The following PLXDC2 variants were observed in gnomAD, a reference collection of about 807,000 sequenced individuals.
PLXDC2 encodes the protein plexin domain-containing protein 2.
Under a neutral mutation model 68.9 loss-of-function variants are expected in PLXDC2, and 40 were observed. The ratio of observed to expected loss-of-function variants is 0.58; its 90% CI spans 0.45 to 0.76. PLXDC2 has a LOEUF of 0.76. PLXDC2 is among the 30% of genes least tolerant of loss of function. The probability of loss-of-function intolerance (pLI) is 0.00; values close to 1 mark genes in which losing one functional copy is unlikely to be tolerated. For missense variants in PLXDC2, 644 were observed against 661.9 expected (o/e 0.97, Z 0.30); for synonymous variants, 243 against 234.2 (o/e 1.04, Z -0.34).
At chr10:20,051,219 G>A (rs895410117) in intron 3 of PLXDC2, among the ~76,000 whole-genome samples, 67 of 151,380 alleles carry the variant, frequency 4.4e-4, no homozygotes, top group African/African-American at 1.2e-3. Context: ...AAAAACAGAC[G>A]CCGGAGTCTA....
rs575776334 is a variant in PLXDC2 at position 19,975,801 on chromosome 10, T to C, written c.113-25974T>C. The stretch of plus-strand genomic sequence containing the variant: ...GGTGGATTACTTGAGGTCAGGAGTT[T>C]GAGACCAGCCTGGCCAACATGGTAA... On this transcript the variant is annotated intron_variant, in intron 1 of 13. Transcript: ENST00000377252. Among the ~76,000 whole-genome samples, 5 of 152,080 alleles carry C rather than the reference T, an allele frequency of 3.3e-5. No individual in the cohort carries two copies. The East Asian group carries it at 9.7e-4, about 30-fold the overall frequency.
chr10:19,979,976 CTTAG>C (rs991270415), intron 1 of PLXDC2, among the ~76,000 whole-genome samples: 41 of 152,268 alleles, frequency 2.7e-4, no homozygotes, highest in African/African-American at 8.2e-4. Flanking sequence ...ATTTCCTTTT[CTTAG>C]TTAGTGTCGT....
intron 1 of PLXDC2, among the ~76,000 whole-genome samples, chr10:19,954,357 C>T (rs1035984932): frequency 5.3e-5 from 8 of 152,148 alleles, no homozygotes; most frequent in Non-Finnish European, 7.4e-5. Context: ...TGGCAGCTAA[C>T]GTAATTGGTA....
chr10:20,009,149 A>G (rs1315253749), intron 2 of PLXDC2, among the ~76,000 whole-genome samples: 1 of 152,178 alleles, frequency 6.6e-6, no homozygotes, highest in African/African-American at 2.4e-5. Context: ...AAGGAGTAGT[A>G]AGACATCATC....
chr10:20,260,773 C>T (rs745733541), intron 13 of PLXDC2, among the ~76,000 whole-genome samples: 6 of 152,224 alleles, frequency 3.9e-5, no homozygotes, highest in Admixed American at 1.3e-4. Flanking sequence ...AAACTTCATA[C>T]GTTTTCCATA....
chr10:19,929,903 A>T (rs1833597507), intron 1 of PLXDC2, among the ~76,000 whole-genome samples: 1 of 152,188 alleles, frequency 6.6e-6, no homozygotes, highest in African/African-American at 2.4e-5. Flanking sequence ...AGTGCCTGTT[A>T]TTCTGAAAGC....
chr10:20,217,547 C>T lies in PLXDC2; in HGVS notation c.1244C>T (p.Ser415Phe). ...VLTTTRRAVT[S>F]QFPTSLPTED... ...ACTACCACCAGAAGAGCAGTGACTT[C>T]TCAGTTTCCCACCAGCCTCCCTACA... The change falls in exon 11 of 14, where the codon TCT becomes TTT. Residue 415 changes from serine (S) to phenylalanine (F), a missense_variant. Ser to Phe is a radical substitution (Grantham distance 155). Coordinates refer to ENST00000377252, the MANE Select transcript of PLXDC2 (RefSeq NM_032812.9). The T allele has an allele frequency of 6.3e-7, 1 of 1,590,098 alleles. No homozygotes were observed. The highest frequency in any genetic ancestry group is 8.6e-7 in the Non-Finnish European group (1 of 1,166,978).
chr10:20,129,572 CAT>C (rs1204670758), intron 4 of PLXDC2, among the ~76,000 whole-genome samples: 1 of 151,350 alleles, frequency 6.6e-6, no homozygotes, highest in Non-Finnish European at 1.5e-5. Flanking sequence ...TATATATACA[CAT>C]ATATATGTAG....
chr10:20,132,770 T>TA lies in PLXDC2; in HGVS notation c.542-10513dup, dbSNP rs61655560. ...TGTAAAGAACATATAGTTTGATCTT[T>TA]AAAAAAAAAAAATCCATTCAACCAC... is the stretch of plus-strand genomic sequence containing the variant. On this transcript the variant is annotated intron_variant, in intron 4 of 13. Coordinates refer to ENST00000377252, the MANE Select transcript of PLXDC2 (RefSeq NM_032812.9). Among the ~76,000 whole-genome samples, 9 of 150,462 alleles carry TA rather than the reference T, an allele frequency of 6.0e-5. No homozygotes were observed. The South Asian group carries it at 6.3e-4, about 11-fold the overall frequency.
intron 1 of PLXDC2, among the ~76,000 whole-genome samples, chr10:19,832,101 C>T (rs1836704806): frequency 6.6e-6 from 1 of 152,146 alleles, no homozygotes. Flanking sequence ...TTCATAAGTG[C>T]TCCATAGCCA....
intron 1 of PLXDC2, among the ~76,000 whole-genome samples, chr10:19,914,590 T>TA (rs1166316945): frequency 2.6e-5 from 4 of 152,210 alleles, no homozygotes; most frequent in African/African-American, 9.6e-5. Flanking sequence ...ATTTATAGCA[T>TA]AGTAAAGAGA....
chr10:20,267,820 C>G (rs2119375687), intron 13 of PLXDC2, among the ~76,000 whole-genome samples: 1 of 151,476 alleles, frequency 6.6e-6, no homozygotes, highest in South Asian at 2.1e-4. Context: ...TGTTATATCT[C>G]AGTCATCTTG....
intron 4 of PLXDC2, among the ~76,000 whole-genome samples, chr10:20,088,252 A>G (rs1408574399): frequency 6.6e-6 from 1 of 152,212 alleles, no homozygotes. Context: ...CTTATTTTAC[A>G]TAGCTACAAT....
intron 4 of PLXDC2, among the ~76,000 whole-genome samples, chr10:20,104,855 A>G (rs1223812292): frequency 6.6e-6 from 1 of 152,038 alleles, no homozygotes; most frequent in East Asian, 1.9e-4. Flanking sequence ...GATCGAGACC[A>G]TCCTGGCCAA....
At chr10:20,167,242 C>T (rs999550443) in intron 7 of PLXDC2, among the ~76,000 whole-genome samples, 39 of 152,150 alleles carry the variant, frequency 2.6e-4, no homozygotes, top group African/African-American at 5.1e-4. Context: ...GTCTCTCCCA[C>T]ATTTATAAAG....
At chr10:20,065,471 A>G (rs534568821) in intron 3 of PLXDC2, among the ~76,000 whole-genome samples, 2 of 152,298 alleles carry the variant, frequency 1.3e-5, no homozygotes, top group African/African-American at 2.4e-5. Context: ...AACCAGTTTC[A>G]TGAAAGGTGG....
chr10:20,038,966 A>G (rs922449844), intron 2 of PLXDC2, among the ~76,000 whole-genome samples: 1 of 152,106 alleles, frequency 6.6e-6, no homozygotes, highest in African/African-American at 2.4e-5. Context: ...CTTTTTCTGT[A>G]TGATTTTACT....
At chr10:20,097,335 G>A (rs528537120) in intron 4 of PLXDC2, among the ~76,000 whole-genome samples, 12 of 152,016 alleles carry the variant, frequency 7.9e-5, no homozygotes, top group African/African-American at 7.2e-5. Flanking sequence ...GTCGTGTTGC[G>A]TTCTGCAGGG....
At chr10:20,194,792 C>A (rs894197979) in intron 9 of PLXDC2, among the ~76,000 whole-genome samples, 1 of 113,826 alleles carries the variant, frequency 8.8e-6, no homozygotes, top group African/African-American at 3.3e-5. Flanking sequence ...CCCCCTCCCC[C>A]CACCCCAGGA....
Sources: gnomAD v4.1 joint callset for allele counts (sites outside exome capture counted in the v4.1 genomes callset) on GRCh38, gnomAD v4.1.1 for gene constraint, MANE v1.5 for transcripts, NCBI Gene and HGNC (gene_info 2026-07-23, HGNC 2026-07-21) for gene names.